The following AUH variants were observed in gnomAD, a reference collection of about 807,000 sequenced individuals.
AUH encodes methylglutaconyl-CoA hydratase, mitochondrial.
A neutral mutation model predicts 42.3 loss-of-function variants in AUH; 29 were observed. The ratio of observed to expected loss-of-function variants is 0.69; its 90% CI spans 0.51 to 0.93. AUH has a LOEUF of 0.93. Ranked by LOEUF, AUH falls within the 40% of genes least tolerant of loss-of-function variation. AUH has a pLI of 0.00. For synonymous variants in AUH, 174 were observed against 166.4 expected, an observed-to-expected ratio of 1.05 and a Z score of -0.35; for missense variants, 452 against 438.1, an observed-to-expected ratio of 1.03 and a Z score of -0.28.
chr9:91,234,841 G>A (rs780459482), intron 6 of AUH, among the ~76,000 whole-genome samples: 3 of 147,678 alleles, frequency 2.0e-5, no homozygotes, highest in Non-Finnish European at 3.0e-5. Context: ...AGAGTTCTGA[G>A]ACAGCACACT....
intron 6 of AUH, among the ~76,000 whole-genome samples, chr9:91,286,632 G>A (rs1460315408): frequency 6.6e-6 from 1 of 151,358 alleles, no homozygotes; most frequent in Non-Finnish European, 1.5e-5. Flanking sequence ...TAATGTTGTT[G>A]GCAAAATGTC....
chr9:91,294,050 T>C (rs998972004), intron 6 of AUH, among the ~76,000 whole-genome samples: 2 of 152,152 alleles, frequency 1.3e-5, no homozygotes, highest in Non-Finnish European at 2.9e-5. Flanking sequence ...TCCAGCATAG[T>C]TTACTGAATA....
intron 6 of AUH, among the ~76,000 whole-genome samples, chr9:91,284,462 T>C (rs892602123): frequency 1.3e-5 from 2 of 151,708 alleles, no homozygotes; most frequent in Non-Finnish European, 2.9e-5. Context: ...AATAGACAAA[T>C]GGGATCTAAT....
intron 3 of AUH, among the ~76,000 whole-genome samples, chr9:91,325,989 T>A (rs573898380): frequency 6.6e-6 from 1 of 152,290 alleles, no homozygotes; most frequent in African/African-American, 2.4e-5. Flanking sequence ...AACAAACTGA[T>A]GATTTCATAA....
At chr9:91,329,708 G>A (rs1008083337) in intron 3 of AUH, among the ~76,000 whole-genome samples, 5 of 151,648 alleles carry the variant, frequency 3.3e-5, no homozygotes, top group Non-Finnish European at 5.9e-5. Flanking sequence ...CTTTCTTGGT[G>A]ATTTTTGAAG....
chr9:91,288,532 G>A (rs1459816228), intron 6 of AUH, among the ~76,000 whole-genome samples: 1 of 152,002 alleles, frequency 6.6e-6, no homozygotes, highest in Non-Finnish European at 1.5e-5. Context: ...ATTTTTAAAT[G>A]GGCCAGTGCT....
chr9:91,336,836 GT>G (rs1380743887), intron 3 of AUH, among the ~76,000 whole-genome samples: 1 of 152,108 alleles, frequency 6.6e-6, no homozygotes, highest in Non-Finnish European at 1.5e-5. Context: ...GAAATGCAAT[GT>G]TTTTGAAAAC....
At chr9:91,316,419 T>C (rs145758969) in intron 4 of AUH, among the ~76,000 whole-genome samples, 5 of 152,372 alleles carry the variant, frequency 3.3e-5, no homozygotes, top group Non-Finnish European at 4.4e-5. Flanking sequence ...CCGAGTCTTA[T>C]GGAATGTGGA....
At chr9:91,351,108 T>C (rs1831943303) in intron 3 of AUH, among the ~76,000 whole-genome samples, 1 of 152,134 alleles carries the variant, frequency 6.6e-6, no homozygotes. Context: ...TAGCTAGGAC[T>C]ACAGGCACGC....
At chr9:91,294,005 G>T (rs373481707) in intron 6 of AUH, among the ~76,000 whole-genome samples, 1 of 152,146 alleles carries the variant, frequency 6.6e-6, no homozygotes. Flanking sequence ...TTTATAAATG[G>T]AACAAATAAA....
intron 3 of AUH, among the ~76,000 whole-genome samples, chr9:91,347,708 G>A (rs930737536): frequency 6.6e-6 from 1 of 151,934 alleles, no homozygotes; most frequent in African/African-American, 2.4e-5. Flanking sequence ...GAATACTTCA[G>A]AGTCCTAAAT....
intron 4 of AUH, among the ~76,000 whole-genome samples, chr9:91,315,980 T>C (rs985431161): frequency 1.3e-5 from 2 of 152,266 alleles, no homozygotes; most frequent in Non-Finnish European, 2.9e-5. Flanking sequence ...ACATTGTGTT[T>C]CAAAGATTTA....
chr9:91,215,444 G>A (rs1035463035), intron 9 of AUH, among the ~76,000 whole-genome samples: 6 of 152,098 alleles, frequency 3.9e-5, no homozygotes, highest in African/African-American at 1.2e-4. Flanking sequence ...AATGTAAATG[G>A]CATGTACACA....
intron 6 of AUH, among the ~76,000 whole-genome samples, chr9:91,248,686 A>G (rs918131984): frequency 1.3e-5 from 2 of 152,188 alleles, no homozygotes; most frequent in African/African-American, 2.4e-5. Flanking sequence ...GTCCTCACAT[A>G]ACATTGTTGG....
intron 6 of AUH, among the ~76,000 whole-genome samples, chr9:91,248,193 A>G (rs983373834): frequency 2.6e-5 from 4 of 152,146 alleles, no homozygotes; most frequent in Admixed American, 2.0e-4. Flanking sequence ...CAATTTTTAC[A>G]TATTGTGAGA....
chr9:91,361,916 G>T lies in AUH; in HGVS notation c.-27C>A. 1 of 1,359,880 alleles carries T rather than the reference G, an allele frequency of 7.4e-7. No homozygotes were observed. Among genetic ancestry groups the T allele is most frequent in the Non-Finnish European group, 9.4e-7 (1 of 1,058,542 alleles). The allele number at this position is 1,359,880 out of a possible 1,614,324, so 84.2% of individuals were successfully genotyped here. Reference sequence around the variant, plus strand: ...TTGTCTGTTTACGGCGTGGACCTGCGACGGCCGCTCCGCCCCCGCCCGGCG... The same window carrying T: ...TTGTCTGTTTACGGCGTGGACCTGCTACGGCCGCTCCGCCCCCGCCCGGCG... On this transcript the variant is annotated 5_prime_UTR_variant, in exon 1 of 10. Coordinates refer to ENST00000375731, the MANE Select transcript of AUH (RefSeq NM_001698.3).
At chr9:91,275,487 G>A (rs558240737) in intron 6 of AUH, among the ~76,000 whole-genome samples, 107 of 152,256 alleles carry the variant, frequency 7.0e-4, no homozygotes, top group African/African-American at 1.6e-3. Flanking sequence ...GGAATAGAAC[G>A]GGAACTTCCC....
intron 6 of AUH, among the ~76,000 whole-genome samples, chr9:91,229,395 T>C (rs1285209307): frequency 6.8e-6 from 1 of 146,908 alleles, no homozygotes; most frequent in Non-Finnish European, 1.5e-5. Flanking sequence ...TTTTTTGTTT[T>C]CCATTTGCTT....
chr9:91,245,238 G>A (rs933100476), intron 6 of AUH, among the ~76,000 whole-genome samples: 3 of 152,128 alleles, frequency 2.0e-5, no homozygotes, highest in East Asian at 1.9e-4. Flanking sequence ...CAGGAGCCCC[G>A]TGGGGAAGCA....
Sources: gnomAD v4.1 joint callset for allele counts (sites outside exome capture counted in the v4.1 genomes callset) on GRCh38, gnomAD v4.1.1 for gene constraint, MANE v1.5 for transcripts, NCBI Gene and HGNC (gene_info 2026-07-23, HGNC 2026-07-21) for gene names.